Variants in VWA3A observed in about 807,000 individuals in gnomAD.
VWA3A encodes the protein von Willebrand factor A domain-containing protein 3A.
VWA3A carries 134 observed loss-of-function variants against 160.4 expected under a neutral mutation model. That is an observed-to-expected ratio of 0.84 (90% CI 0.73 to 0.96). The LOEUF (loss-of-function observed/expected upper bound fraction) is 0.96. Ranked by LOEUF, VWA3A falls within the 40% of genes least tolerant of loss-of-function variation. VWA3A has a pLI of 0.00. For missense variants in VWA3A, 1,310 were observed against 1,447.9 expected (o/e 0.90, Z 1.55); for synonymous variants, 476 against 543.4 (o/e 0.88, Z 1.72).
chr16:22,123,008 T>C, intron 14 of VWA3A, 77 bp from the exon 15 acceptor site: 2 of 1,290,972 alleles, frequency 1.5e-6, no homozygotes, highest in African/African-American at 1.5e-5. Context: ...TGCACCTGAT[T>C]TGGAGAACCA....
intron 21 of VWA3A, among the ~76,000 whole-genome samples, chr16:22,137,071 CTAAATAAA>C (rs59108718): frequency 0.058 from 8,698 of 149,718 alleles, 865 homozygotes; most frequent in African/African-American, 0.2. Context: ...GACTCTGTCT[CTAAATAAA>C]TAAATAAATA....
chr16:22,092,716 A>G, intron 1 of VWA3A, 65 bp downstream of exon 1: 1 of 1,541,162 alleles, frequency 6.5e-7, no homozygotes, highest in Non-Finnish European at 8.8e-7. Context: ...CCAGATACTA[A>G]GCTCTGGACT....
In VWA3A at chr16:22,123,450, G is replaced by A. The variant is rs993564654; in HGVS notation, c.1438-163G>A. 17 of 1,543,076 alleles carry A rather than the reference G, an allele frequency of 1.1e-5. No homozygotes were observed. In the African/African-American group the frequency reaches 1.2e-4, roughly 11 times the overall value. On this transcript the variant is annotated intron_variant, in intron 15 of 33. Coordinates refer to ENST00000389398, the MANE Select transcript of VWA3A (RefSeq NM_173615.5). ...GTGTGACTCTTCCCTTCCTGTTCTTGTGGTGAATTTGTTCATGATTTAGTG... is the reference window on the plus strand; with the variant it reads ...GTGTGACTCTTCCCTTCCTGTTCTTATGGTGAATTTGTTCATGATTTAGTG...
chr16:22,134,558 G>A, intron 21 of VWA3A, 120 bp downstream of exon 21: 1 of 838,974 alleles, frequency 1.2e-6, no homozygotes, highest in Non-Finnish European at 1.8e-6. Context: ...CACTTCCAGA[G>A]GCTGGAAGTC....
intron 26 of VWA3A, 120 bp downstream of exon 26, chr16:22,144,504 A>C: frequency 5.1e-6 from 7 of 1,377,870 alleles, no homozygotes; most frequent in Non-Finnish European, 6.8e-6. Context: ...CTCCTCCCCA[A>C]AGTGGGACTC....
intron 31 of VWA3A, among the ~76,000 whole-genome samples, chr16:22,153,845 T>TCTTTCCAC (rs993098712): frequency 4.7e-5 from 7 of 149,614 alleles, no homozygotes; most frequent in Admixed American, 6.8e-5. Context: ...GCTCAGGCAA[T>TCTTTCCAC]CTTTCCACCT....
In VWA3A at chr16:22,144,409, C is replaced by CT. The variant is rs745949206; in HGVS notation, c.2730+33dup. The CT allele has an allele frequency of 2.5e-5, 40 of 1,608,696 alleles. No homozygotes were observed. In the South Asian group the frequency reaches 2.7e-4, roughly 11 times the overall value. On this transcript the variant is annotated intron_variant, in intron 26 of 33. Coordinates refer to ENST00000389398, the MANE Select transcript of VWA3A (RefSeq NM_173615.5). ...TGTAAGTCACAATTTTCATCATCGT[C>CT]TTTTTTTTCTCCCCCAACTCAGCTG...
intron 16 of VWA3A, among the ~76,000 whole-genome samples, chr16:22,124,577 A>AT (rs1312130520): frequency 3.1e-4 from 45 of 143,850 alleles, no homozygotes; most frequent in Non-Finnish European, 5.0e-4. Context: ...TATTATTATT[A>AT]GAGACAGAGT....
At chr16:22,129,910 G>T (rs1052671201) in intron 17 of VWA3A, among the ~76,000 whole-genome samples, 1 of 152,114 alleles carries the variant, frequency 6.6e-6, no homozygotes, top group East Asian at 1.9e-4. Flanking sequence ...CCTGAAGGTC[G>T]GGCGCGGTGG....
rs532206127 is a variant in VWA3A, at chr16:22,145,508, G to A, written c.2731-728G>A. On this transcript the variant is annotated intron_variant, in intron 26 of 33. Coordinates refer to ENST00000389398, the MANE Select transcript of VWA3A (RefSeq NM_173615.5). ...ACAAAAATTAGCCAGGCATGGTGCT[G>A]TGCACCTGTAATCCCAGCTACTCAG... Among the ~76,000 whole-genome samples the A allele has an allele frequency of 1.4e-4, 21 of 152,070 alleles. 1 individual carries two copies. In the East Asian group the frequency reaches 3.9e-3, roughly 28 times the overall value.
At chr16:22,124,260 C>T (rs1463739226) in intron 16 of VWA3A, among the ~76,000 whole-genome samples, 1 of 150,494 alleles carries the variant, frequency 6.6e-6, no homozygotes, top group Non-Finnish European at 1.5e-5. Context: ...TGAATAGATC[C>T]TCCCACCCAG....
At chr16:22,120,291 G>T (rs966631892) in intron 12 of VWA3A, among the ~76,000 whole-genome samples, 4 of 152,106 alleles carry the variant, frequency 2.6e-5, no homozygotes, top group African/African-American at 9.7e-5. Context: ...TTTGCAAGAT[G>T]ATTTTAGGTG....
In VWA3A at chr16:22,113,467, C is replaced by T. The variant is rs528624711; in HGVS notation, c.690-1880C>T. 8.1e-4 allele frequency among the ~76,000 whole-genome samples: 119 copies of T among 146,770 alleles called. 1 individual carries two copies. Among genetic ancestry groups the T allele is most frequent in the South Asian group, 5.8e-3 (27 of 4,626 alleles). ...CTTGGACTCCTGACCTCAAGTGATC[C>T]GCCCTCCTTGGCCTCCCAAAGTGCT... On this transcript the variant is annotated intron_variant, in intron 8 of 33. Coordinates refer to ENST00000389398, the MANE Select transcript of VWA3A (RefSeq NM_173615.5).
At position 22,122,676 on chromosome 16, in the gene VWA3A, T is replaced by C. The variant is rs55749958; in HGVS notation, c.1357-409T>C. Among the ~76,000 whole-genome samples the C allele has an allele frequency of 8.8e-3, 1,334 of 152,260 alleles. 18 individuals carry two copies. The highest frequency in any genetic ancestry group is 0.03 in the African/African-American group (1,261 of 41,544). ...ACAAGTTGGATTTTCAAAGCATCTG[T>C]AAAGGCCTGTCTAGGTTCCCAAACC... On this transcript the variant is annotated intron_variant, in intron 14 of 33. Transcript: ENST00000389398.
chr16:22,112,721 T>A (rs1277039089), intron 8 of VWA3A, among the ~76,000 whole-genome samples: 1 of 151,588 alleles, frequency 6.6e-6, no homozygotes, highest in Admixed American at 6.6e-5. Flanking sequence ...AGACCCTGTC[T>A]CCAAAAGTAA....
At chr16:22,146,653 G>A (rs1348977963) in intron 27 of VWA3A, among the ~76,000 whole-genome samples, 8 of 152,104 alleles carry the variant, frequency 5.3e-5, no homozygotes, top group South Asian at 2.1e-4. Flanking sequence ...GCATGGTGGC[G>A]GGCACCTGTA....
chr16:22,142,835 CT>C, intron 25 of VWA3A, 70 bp downstream of exon 25: 1 of 1,166,874 alleles, frequency 8.6e-7, no homozygotes, highest in Admixed American at 2.0e-5. Context: ...ACCATTACTT[CT>C]AGGATGGGGG....
At chr16:22,152,443 C>A in intron 30 of VWA3A, 68 bp from the exon 31 acceptor site, 1 of 1,587,626 alleles carries the variant, frequency 6.3e-7, no homozygotes, top group Non-Finnish European at 8.6e-7. Context: ...TCCCCATGGA[C>A]GTGGGGAGTC....
chr16:22,095,011 C>T (rs1193434581), intron 1 of VWA3A, among the ~76,000 whole-genome samples: 1 of 151,928 alleles, frequency 6.6e-6, no homozygotes, highest in African/African-American at 2.4e-5. Context: ...AACCTCCTGC[C>T]CCTTCACCTT....
Sources: allele counts gnomAD v4.1 joint callset (sites outside exome capture counted in the v4.1 genomes callset), GRCh38; gene constraint gnomAD v4.1.1; transcripts MANE v1.5; gene names NCBI Gene and HGNC (gene_info 2026-07-23, HGNC 2026-07-21).